Variants in UCHL5 observed in about 807,000 individuals in gnomAD.
The protein encoded by UCHL5 is ubiquitin C-terminal hydrolase L5, also known as ubiquitin carboxyl-terminal hydrolase isozyme L5.
A neutral mutation model predicts 53.8 loss-of-function variants in UCHL5; 34 were observed. The observed-to-expected ratio is 0.63, with a 90% confidence interval of 0.48 to 0.84. UCHL5 has a LOEUF of 0.84. Among genes scored for constraint, UCHL5 ranks in the 40% least tolerant of loss-of-function variants. UCHL5 has a pLI of 0.00. For synonymous variants in UCHL5, 111 were observed against 126.3 expected (o/e 0.88, Z 0.81); for missense variants, 290 against 385.6 (o/e 0.75, Z 2.08).
chr1:193,032,300 G>A (rs1558064361), intron 3 of UCHL5, among the ~76,000 whole-genome samples: 1 of 152,066 alleles, frequency 6.6e-6, no homozygotes, highest in Non-Finnish European at 1.5e-5. Context: ...TTAATAAATG[G>A]TATTGGGAAA....
rs757773092 is a variant in UCHL5, at chr1:193,059,240, C to T, written c.21G>A (p.Glu7=). Residue 7 remains glutamate, a synonymous_variant, in exon 1 of 11, where the codon GAG becomes GAA. Coordinates refer to ENST00000367454, the MANE Select transcript of UCHL5 (RefSeq NM_001199261.3). This position sits in a 1 kb window ranked among gnomAD's most constrained non-coding sequence, Gnocchi z 4.9. MTGNAG[E]WCLMESDPGV... is the part of the protein sequence containing the mutation. ...CGGGGTCGCTTTCCATGAGGCACCA[C>T]TCCCCGGCATTGCCCGTCATGGCCC... 9.0e-5 allele frequency: 145 copies of T among 1,614,000 alleles called. 3 individuals are homozygous for T. The South Asian group carries it at 1.1e-3, about 12-fold the overall frequency.
chr1:193,021,634 AGTG>A, intron 9 of UCHL5, among the ~76,000 whole-genome samples: 1 of 152,300 alleles, frequency 6.6e-6, no homozygotes, highest in Admixed American at 6.5e-5. Context: ...TTTCTACTTC[AGTG>A]GAAAACTATG....
chr1:193,023,989 T>A, intron 7 of UCHL5, 43 bp from the exon 8 acceptor site: 1 of 1,338,070 alleles, frequency 7.5e-7, no homozygotes, highest in South Asian at 1.3e-5. Flanking sequence ...TAAAGAATTG[T>A]ACAACTATTA....
chr1:193,059,634 T>G, upstream of UCHL5: 3 of 1,398,328 alleles, frequency 2.1e-6, no homozygotes, highest in South Asian at 1.1e-5. This position sits in a 1 kb window ranked among gnomAD's most constrained non-coding sequence, Gnocchi z 4.9. Flanking sequence ...GAACCGAACC[T>G]GGAATCCCCG....
chr1:193,013,921 G>A lies in UCHL5; in HGVS notation c.*2430C>T, dbSNP rs948764972. ...CTATCTTGGGAACTAAACATATAAGGTGAGAGTAGCCAGTGCCGCAGCTGT... is the reference window on the plus strand; with the variant it reads ...CTATCTTGGGAACTAAACATATAAGATGAGAGTAGCCAGTGCCGCAGCTGT... On this transcript the variant is annotated 3_prime_UTR_variant, in exon 11 of 11. Transcript: ENST00000367454. 5.9e-5 allele frequency: 9 copies of A among 152,130 alleles called. No individual in the cohort carries two copies. Among genetic ancestry groups the A allele is most frequent in the Non-Finnish European group, 1.3e-4 (9 of 68,028 alleles). 9.4% of individuals were successfully genotyped at this position (152,130 alleles called of 1,614,324 possible). A position where few individuals can be genotyped will look rare whatever the true frequency, so the allele number is the denominator to read the frequency against.
intron 10 of UCHL5, chr1:193,020,489 G>A: frequency 6.6e-7 from 1 of 1,506,848 alleles, no homozygotes; most frequent in South Asian, 1.3e-5. Flanking sequence ...GTATTTTAAA[G>A]AGTATCCACT....
intron 3 of UCHL5, among the ~76,000 whole-genome samples, chr1:193,043,490 A>T (rs181208888): frequency 6.6e-6 from 1 of 152,294 alleles, no homozygotes; most frequent in African/African-American, 2.4e-5. Flanking sequence ...CACTTTTATG[A>T]CTATAGTAAA....
In UCHL5 at chr1:193,050,563, T is replaced by C. The variant is rs112056030; in HGVS notation, c.141-712A>G. On this transcript the variant is annotated intron_variant, in intron 2 of 10. Transcript: ENST00000367454. ...GCCTGGACAACATAGTGAAACCACA[T>C]CTCTACTAAAAAAACAAAAACAAAA... is the stretch of plus-strand genomic sequence containing the variant. Among the ~76,000 whole-genome samples the C allele has an allele frequency of 3.1e-3, 476 of 151,538 alleles. 4 individuals carry two copies. The highest frequency in any genetic ancestry group is 0.011 in the African/African-American group (460 of 41,242).
In UCHL5 at chr1:193,021,113, A is replaced by G; in HGVS notation, c.926T>C (p.Ile309Thr). The change falls in exon 10 of 11, where the codon ATA becomes ACA. Residue 309 changes from isoleucine (I) to threonine (T), a missense_variant. Physicochemically the swap from Ile to Thr is moderately conservative, Grantham distance 89. Transcript: ENST00000367454. ...LKTLAEHQQL[I>T]PLVEKAKEKQ... ...AATACTTACCTTTTCTACTAGTGGTATTAACTGCTGGTGTTCTGCTAAAGT... is the reference window on the plus strand; with the variant it reads ...AATACTTACCTTTTCTACTAGTGGTGTTAACTGCTGGTGTTCTGCTAAAGT... 1.2e-6 allele frequency: 2 copies of G among 1,605,390 alleles called. No homozygotes were observed. Among genetic ancestry groups the G allele is most frequent in the Non-Finnish European group, 1.7e-6 (2 of 1,173,308 alleles).
At chr1:193,030,376 T>C (rs1660926511) in intron 3 of UCHL5, among the ~76,000 whole-genome samples, 1 of 152,246 alleles carries the variant, frequency 6.6e-6, no homozygotes, top group South Asian at 2.1e-4. Context: ...TTGTAGAAGC[T>C]GAGGCACAAA....
chr1:193,022,880 C>T, intron 9 of UCHL5, 46 bp downstream of exon 9: 1 of 1,301,842 alleles, frequency 7.7e-7, no homozygotes, highest in Non-Finnish European at 1.1e-6. Context: ...TTGAAATATA[C>T]TGCTCTATAT....
chr1:193,027,999 A>G (rs778046452), intron 7 of UCHL5, 86 bp downstream of exon 7: 5 of 1,572,742 alleles, frequency 3.2e-6, no homozygotes, highest in Non-Finnish European at 4.3e-6. Context: ...TGTTCAATGC[A>G]CACTGCTAAA....
chr1:193,024,091 A>G, intron 7 of UCHL5, 145 bp from the exon 8 acceptor site: 1 of 658,250 alleles, frequency 1.5e-6, no homozygotes, highest in Non-Finnish European at 2.5e-6. Context: ...GACACTTTTA[A>G]AAAGCTTTCA....
chr1:193,021,602 G>A (rs543531892), intron 9 of UCHL5, among the ~76,000 whole-genome samples: 1 of 152,146 alleles, frequency 6.6e-6, no homozygotes, highest in Non-Finnish European at 1.5e-5. Flanking sequence ...TTTATCGAAA[G>A]GGGGTACACT....
intron 3 of UCHL5, among the ~76,000 whole-genome samples, chr1:193,044,978 A>C (rs1161908383): frequency 1.3e-5 from 2 of 152,204 alleles, no homozygotes; most frequent in African/African-American, 4.8e-5. Context: ...CAAATGTAAC[A>C]CAGAACTAAA....
At chr1:193,017,443 T>C (rs766151361) in intron 10 of UCHL5, among the ~76,000 whole-genome samples, 86 of 151,884 alleles carry the variant, frequency 5.7e-4, no homozygotes, top group Admixed American at 1.4e-3. Context: ...GCAAATAGTC[T>C]GTGTGTCATA....
intron 10 of UCHL5, chr1:193,018,620 TTTTA>T (rs557655355): frequency 0.011 from 13,338 of 1,249,822 alleles, 118 homozygotes; most frequent in South Asian, 0.038. Context: ...GAGAATCACT[TTTTA>T]TTTATTATTT....
intron 1 of UCHL5, among the ~76,000 whole-genome samples, chr1:193,058,310 T>C (rs977788867): frequency 1.3e-5 from 2 of 152,166 alleles, no homozygotes; most frequent in Non-Finnish European, 2.9e-5. Context: ...TAAATGACAT[T>C]CCAAATATTA....
chr1:193,028,895 T>C (rs183803265), intron 6 of UCHL5, among the ~76,000 whole-genome samples: 1 of 152,270 alleles, frequency 6.6e-6, no homozygotes, highest in Admixed American at 6.5e-5. Context: ...TCACTAAGGG[T>C]AGTTTTTAAA....
Sources: allele counts gnomAD v4.1 joint callset (sites outside exome capture counted in the v4.1 genomes callset), GRCh38; gene constraint gnomAD v4.1.1; non-coding constraint Gnocchi (gnomAD v3.1); transcripts MANE v1.5; gene names NCBI Gene and HGNC (gene_info 2026-07-23, HGNC 2026-07-21).